The following SCAPER variants were observed in gnomAD, a reference collection of about 807,000 sequenced individuals.
The protein encoded by SCAPER is S-phase cyclin A associated protein in the ER.
Under a neutral mutation model 182.2 loss-of-function variants are expected in SCAPER, and 98 were observed. The observed-to-expected ratio is 0.54, with a 90% CI of 0.46 to 0.64. The LOEUF (loss-of-function observed/expected upper bound fraction) is 0.64. Ranked by LOEUF, SCAPER falls within the 30% of genes least tolerant of loss-of-function variation. The pLI is 0.00. For synonymous variants in SCAPER, 605 were observed against 564.6 expected (o/e 1.07, Z -1.01); for missense variants, 1,432 against 1,690.0 (o/e 0.85, Z 2.68).
chr15:76,789,975 T>C (rs113825605), intron 8 of SCAPER, among the ~76,000 whole-genome samples: 13 of 152,266 alleles, frequency 8.5e-5, no homozygotes, highest in African/African-American at 3.1e-4. Flanking sequence ...ACGCCTGTAA[T>C]CCCAGCACTT....
chr15:76,844,803 C>T (rs898221173), intron 4 of SCAPER, among the ~76,000 whole-genome samples: 1 of 152,060 alleles, frequency 6.6e-6, no homozygotes, highest in African/African-American at 2.4e-5. Context: ...AGAACTAGTA[C>T]CAATCCTACT....
At position 76,740,212 on chromosome 15, in the gene SCAPER, T is replaced by C. The variant is rs562377881; in HGVS notation, c.1867-6828A>G. Reference sequence around the variant, plus strand: ...GAAAAACTTTTGATAATCACAGTTATTGTAGATTTTTACAGTGAAGATGAA... The same window carrying C: ...GAAAAACTTTTGATAATCACAGTTACTGTAGATTTTTACAGTGAAGATGAA... On this transcript the variant is annotated intron_variant, in intron 15 of 31. Transcript: ENST00000563290. 3.9e-5 allele frequency among the ~76,000 whole-genome samples: 6 copies of C among 152,294 alleles called. No individual in the cohort carries two copies. The South Asian group carries it at 6.2e-4, about 16-fold the overall frequency.
chr15:76,604,433 T>C (rs1319451495), intron 22 of SCAPER, among the ~76,000 whole-genome samples: 1 of 46,264 alleles, frequency 2.2e-5, no homozygotes, highest in African/African-American at 4.8e-5. Context: ...TGTAGCCTTG[T>C]AGTATAGTTT....
chr15:76,372,674 A>G (rs557611715), intron 29 of SCAPER, among the ~76,000 whole-genome samples: 3 of 152,326 alleles, frequency 2.0e-5, no homozygotes, highest in African/African-American at 7.2e-5. Context: ...ACACAGCAAA[A>G]TATTATCACA....
chr15:76,545,170 T>C (rs143440442), intron 23 of SCAPER, among the ~76,000 whole-genome samples: 9 of 152,294 alleles, frequency 5.9e-5, no homozygotes, highest in African/African-American at 9.6e-5. Flanking sequence ...TTTAATGTGT[T>C]TGATGTAAAA....
chr15:76,675,316 C>T (rs926343810), intron 20 of SCAPER, among the ~76,000 whole-genome samples: 1 of 152,150 alleles, frequency 6.6e-6, no homozygotes, highest in African/African-American at 2.4e-5. Context: ...ACGAAATTAA[C>T]ACATTTGTGC....
chr15:76,822,379 G>A (rs1186942214), intron 5 of SCAPER, among the ~76,000 whole-genome samples: 2 of 152,142 alleles, frequency 1.3e-5, no homozygotes, highest in African/African-American at 2.4e-5. Flanking sequence ...GTTTAAAAAA[G>A]TAAATGTTCA....
chr15:76,454,324 T>G (rs775122263), intron 25 of SCAPER, among the ~76,000 whole-genome samples: 1 of 152,230 alleles, frequency 6.6e-6, no homozygotes, highest in Non-Finnish European at 1.5e-5. Context: ...ACCGCTTGTT[T>G]GAGCTATCCA....
intron 20 of SCAPER, among the ~76,000 whole-genome samples, chr15:76,696,380 A>G (rs1208385019): frequency 2.0e-5 from 3 of 152,238 alleles, no homozygotes; most frequent in South Asian, 2.1e-4. Flanking sequence ...TGTAATTTGT[A>G]AAGTCACATA....
intron 14 of SCAPER, among the ~76,000 whole-genome samples, chr15:76,761,456 T>C (rs1341523770): frequency 6.6e-6 from 1 of 152,132 alleles, no homozygotes; most frequent in Non-Finnish European, 1.5e-5. Flanking sequence ...TCCCTCAGAG[T>C]CTTGTTTTGC....
At chr15:76,431,632 G>A (rs1357439039) in intron 26 of SCAPER, among the ~76,000 whole-genome samples, 1 of 126,246 alleles carries the variant, frequency 7.9e-6, no homozygotes, top group African/African-American at 3.0e-5. Context: ...CTTCTTGTCA[G>A]TTCATATCTG....
At chr15:76,402,936 C>T (rs1035642008) in intron 27 of SCAPER, among the ~76,000 whole-genome samples, 4 of 152,086 alleles carry the variant, frequency 2.6e-5, no homozygotes, top group African/African-American at 9.7e-5. Context: ...TTTTAAGTGA[C>T]TGAATCTGCG....
At chr15:76,508,117 G>A (rs1185008571) in intron 23 of SCAPER, among the ~76,000 whole-genome samples, 3 of 152,080 alleles carry the variant, frequency 2.0e-5, no homozygotes, top group Admixed American at 6.6e-5. Context: ...AGGTTATCCT[G>A]ACTTTTAAAC....
intron 25 of SCAPER, among the ~76,000 whole-genome samples, chr15:76,448,078 T>G (rs1371795888): frequency 1.3e-5 from 2 of 152,162 alleles, no homozygotes; most frequent in Non-Finnish European, 2.9e-5. Flanking sequence ...CTGGAGATAG[T>G]TGGACTAGTG....
At chr15:76,576,407 T>C (rs2145414802) in intron 22 of SCAPER, among the ~76,000 whole-genome samples, 1 of 152,302 alleles carries the variant, frequency 6.6e-6, no homozygotes, top group Non-Finnish European at 1.5e-5. Context: ...AATACTTTCA[T>C]GTACATGATC....
intron 5 of SCAPER, among the ~76,000 whole-genome samples, chr15:76,836,017 T>C (rs575309569): frequency 1.3e-5 from 2 of 148,164 alleles, no homozygotes; most frequent in African/African-American, 5.0e-5. Context: ...AAAACAATGA[T>C]GAAAGAAATC....
intron 5 of SCAPER, among the ~76,000 whole-genome samples, chr15:76,812,893 C>G (rs932098714): frequency 8.3e-6 from 1 of 120,360 alleles, no homozygotes; most frequent in African/African-American, 2.6e-5. Flanking sequence ...TTCTTAAATA[C>G]TTCCAGAAAA....
chr15:76,752,801 T>C (rs1436272781), intron 15 of SCAPER, among the ~76,000 whole-genome samples: 1 of 151,672 alleles, frequency 6.6e-6, no homozygotes, highest in South Asian at 2.1e-4. Flanking sequence ...AGATACATGG[T>C]GGTGATGACT....
intron 1 of SCAPER, among the ~76,000 whole-genome samples, chr15:76,901,413 A>G (rs1272927835): frequency 6.6e-6 from 1 of 152,218 alleles, no homozygotes; most frequent in African/African-American, 2.4e-5. Flanking sequence ...CTCTTTTCCA[A>G]TACTGTATTA....
Sources: gnomAD v4.1 joint callset for allele counts (sites outside exome capture counted in the v4.1 genomes callset) on GRCh38, gnomAD v4.1.1 for gene constraint, MANE v1.5 for transcripts, NCBI Gene and HGNC (gene_info 2026-07-23, HGNC 2026-07-21) for gene names.